The following FBRS variants were observed in gnomAD, a reference collection of about 807,000 sequenced individuals.
FBRS encodes the protein probable fibrosin-1.
In FBRS, 15 loss-of-function variants were observed where a neutral mutation model predicts 86.1. The ratio of observed to expected loss-of-function variants is 0.17; its 90% CI spans 0.12 to 0.27. The LOEUF is 0.27. Among genes scored for constraint, FBRS ranks in the 10% least tolerant of loss-of-function variants. The pLI is 1.00. For synonymous variants in FBRS, 666 were observed against 575.8 expected (o/e 1.16, Z -2.24); for missense variants, 1,367 against 1,301.6 (o/e 1.05, Z -0.77).
In FBRS at chr16:30,670,292, C is replaced by G. The variant is rs1567549071; in HGVS notation, c.*647C>G. 1 of 435,920 alleles carries G rather than the reference C, an allele frequency of 2.3e-6. No homozygotes were observed. The highest frequency in any genetic ancestry group is 2.0e-5 in the African/African-American group (1 of 49,128). The allele number at this position is 435,920 out of a possible 1,614,324, so 27.0% of individuals were successfully genotyped here. On this transcript the variant is annotated 3_prime_UTR_variant, in exon 18 of 18. Coordinates refer to ENST00000356166, the MANE Select transcript of FBRS (RefSeq NM_001105079.3). ...CTTCTCCCTGGGAAGGTGGGGCCAG[C>G]AGGAGATGACCAACAGGGGGCAGGA...
In FBRS at chr16:30,665,104, ATGGGGTGTGTGGTG is replaced by A. The variant is rs1567545907; in HGVS notation, c.1608+30_1608+43del. ...TGTGAGTGTGTGTGTGCGTGTGCGT[ATGGGGTGTGTGGTG>A]TGGGCGTGGATGCATCCATGCTTGT... On this transcript the variant is annotated intron_variant, in intron 9 of 17. Coordinates refer to ENST00000356166, the MANE Select transcript of FBRS (RefSeq NM_001105079.3). The surrounding 1 kb of genome is among the most constrained non-coding windows in gnomAD (Gnocchi z 4.1). 6.2e-7 allele frequency: 1 copy of A among 1,609,238 alleles called. No homozygotes were observed. The highest frequency in any genetic ancestry group is 2.2e-5 in the East Asian group (1 of 44,856).
Position 30,668,957 on chromosome 16 carries a change from A to G in FBRS, c.2344A>G (p.Ile782Val), listed in dbSNP as rs777763974. ...GCCTGTGGAGCGGAGGGAGCCCTCC[A>G]TCACCAAGGAGGAGAAGGACAGGTG... ...ERPVERREPS[I>V]TKEEKDRDLP... is the part of the protein sequence containing the mutation. Residue 782 changes from isoleucine to valine, a missense_variant, in exon 17 of 18, where the codon ATC (isoleucine) becomes GTC (valine). This residue lies in a region of FBRS where 659 missense variants were observed against 678.8 expected (regional missense o/e 0.97). Coordinates refer to ENST00000356166, the MANE Select transcript of FBRS (RefSeq NM_001105079.3). The G allele has an allele frequency of 1.3e-6, 2 of 1,584,424 alleles. No individual in the cohort carries two copies. The highest frequency in any genetic ancestry group is 2.3e-5 in the South Asian group (2 of 86,856).
intron 13 of FBRS, 112 bp downstream of exon 13, chr16:30,667,102 C>G (rs1033047300): frequency 2.6e-6 from 3 of 1,146,292 alleles, no homozygotes; most frequent in African/African-American, 3.1e-5. Flanking sequence ...AACATTCTCT[C>G]CTGTCCCCCA....
chr16:30,668,814 C>T lies in FBRS; in HGVS notation c.2201C>T (p.Pro734Leu), dbSNP rs1451544795. 1.3e-6 allele frequency: 2 copies of T among 1,598,422 alleles called. No homozygotes were observed. The highest frequency in any genetic ancestry group is 1.7e-6 in the Non-Finnish European group (2 of 1,177,770). The change falls in exon 17 of 18, where the codon CCA (proline) becomes CTA (leucine). Residue 734 changes from proline (P) to leucine (L), a missense_variant. By Grantham distance (98) the Pro-to-Leu change is moderately conservative. Coordinates refer to ENST00000356166, the MANE Select transcript of FBRS (RefSeq NM_001105079.3). ...VFAQKESPGA[P>L]PAFASPPDPW... The stretch of plus-strand genomic sequence containing the variant: ...GCCCAGAAAGAAAGCCCAGGGGCCC[C>T]ACCAGCCTTCGCCTCCCCACCGGAC...
In FBRS at chr16:30,665,072, G is replaced by A. The variant is rs753786446; in HGVS notation, c.1601G>A (p.Arg534Gln). 1.8e-5 allele frequency: 29 copies of A among 1,613,078 alleles called. No individual in the cohort carries two copies. The highest frequency in any genetic ancestry group is 3.3e-5 in the South Asian group (3 of 91,012). Residue 534 changes from arginine to glutamine, a missense_variant, in exon 9 of 18, where the codon CGA (arginine) becomes CAA (glutamine). By Grantham distance (43) the Arg-to-Gln change is conservative. Coordinates refer to ENST00000356166, the MANE Select transcript of FBRS (RefSeq NM_001105079.3). The surrounding 1 kb of genome is among the most constrained non-coding windows in gnomAD (Gnocchi z 4.1). ...CCAGGAAAGATGGAAGGCCTTTTCC[G>A]ACATAATGTGAGTGTGTGTGTGCGT... ...KYPGKMEGLF[R>Q]HNPYTAFPPA...
At chr16:30,664,660 C>T in intron 7 of FBRS, 55 bp from the exon 8 acceptor site, 6 of 1,459,852 alleles carry the variant, frequency 4.1e-6, no homozygotes, top group Non-Finnish European at 5.4e-6. Flanking sequence ...TCACCTGGGC[C>T]CAAGGAGGCT....
At position 30,668,888 on chromosome 16, in the gene FBRS, C is replaced by T. The variant is rs1269309862; in HGVS notation, c.2275C>T (p.Arg759Trp). Reference sequence around the variant, plus strand: ...TCCTCTGACCTTTCCTGCCTGGGTCCGGCCCCCTGAGGCCGCCCGGACTCC... The same window carrying T: ...TCCTCTGACCTTTCCTGCCTGGGTCTGGCCCCCTGAGGCCGCCCGGACTCC... ...RSPLTFPAWV[R>W]PPEAARTPGS... Residue 759 changes from arginine (R) to tryptophan (W), a missense_variant, in exon 17 of 18, where the codon CGG becomes TGG. By Grantham distance (101) the Arg-to-Trp change is moderately radical. This residue lies in a region of FBRS where 659 missense variants were observed against 678.8 expected (regional missense o/e 0.97). Transcript: ENST00000356166. 9 of 1,586,320 alleles carry T rather than the reference C, an allele frequency of 5.7e-6. No individual in the cohort carries two copies. The highest frequency in any genetic ancestry group is 2.3e-5 in the East Asian group (1 of 43,718).
rs1341121253 is a variant in FBRS, at chr16:30,658,822, T to G, written c.-697T>G. ...ACTCGGCGGACTGCAACGCCAGCCT[T>G]AAAGGGGAAGCCGCCGAGCAGACGC... On this transcript the variant is annotated 5_prime_UTR_variant, in exon 1 of 18. Transcript: ENST00000356166. 6.6e-6 allele frequency: 1 copy of G among 151,980 alleles called. No individual in the cohort carries two copies. Among genetic ancestry groups the G allele is most frequent in the Non-Finnish European group, 1.5e-5 (1 of 68,020 alleles). The allele number at this position is 151,980 out of a possible 1,614,324, so 9.4% of individuals were successfully genotyped here. A position where few individuals can be genotyped will look rare whatever the true frequency, so the allele number is the denominator to read the frequency against.
At position 30,664,913 on chromosome 16, in the gene FBRS, C is replaced by A. The variant is rs763319344; in HGVS notation, c.1556C>A (p.Pro519His). 2 of 1,610,820 alleles carry A rather than the reference C, an allele frequency of 1.2e-6. No individual in the cohort carries two copies. Among genetic ancestry groups the A allele is most frequent in the East Asian group, 4.5e-5 (2 of 44,758 alleles). Residue 519 changes from proline (P) to histidine (H), a missense_variant, in exon 8 of 18, where the codon CCC (proline) becomes CAC (histidine). Around this residue, in one of 3 missense-constraint regions of FBRS, gnomAD observed 659 missense variants for 678.8 expected, o/e 0.97. Transcript: ENST00000356166. Reference sequence around the variant, plus strand: ...CCGGGCCTGCTGCCACCCCACGGCCCCCACATGGTGAGCTCCTCATTGGGC... The same window carrying A: ...CCGGGCCTGCTGCCACCCCACGGCCACCACATGGTGAGCTCCTCATTGGGC... The part of the protein sequence containing the change: ...YPPGLLPPHG[P>H]HMFEKYPGKM...
intron 15 of FBRS, chr16:30,667,863 G>T: frequency 2.3e-6 from 1 of 435,894 alleles, no homozygotes; most frequent in Non-Finnish European, 4.0e-6. Flanking sequence ...CCAGTGGCAG[G>T]GGCAGTACGC....
chr16:30,664,241 C>T lies in FBRS; in HGVS notation c.1082C>T (p.Pro361Leu), dbSNP rs1214028984. The change falls in exon 7 of 18, where the codon CCG becomes CTG. Residue 361 changes from proline (P) to leucine (L), a missense_variant. Coordinates refer to ENST00000356166, the MANE Select transcript of FBRS (RefSeq NM_001105079.3). Reference protein sequence around the residue: ...GSSSRPPPKAPAPPVAQPPPS... With the variant: ...GSSSRPPPKALAPPVAQPPPS... ...TCTTCACGGCCGCCCCCCAAGGCCC[C>T]GGCCCCTCCCGTGGCTCAGCCTCCC... The T allele has an allele frequency of 6.1e-6, 9 of 1,463,490 alleles. No individual in the cohort carries two copies. Among genetic ancestry groups the T allele is most frequent in the East Asian group, 2.6e-5 (1 of 38,670 alleles). 90.7% of individuals were successfully genotyped at this position (1,463,490 alleles called of 1,614,324 possible).
At position 30,665,934 on chromosome 16, in the gene FBRS, G is replaced by A. The variant is rs956654880; in HGVS notation, c.1773+228G>A. On this transcript the variant is annotated intron_variant, in intron 11 of 17. Coordinates refer to ENST00000356166, the MANE Select transcript of FBRS (RefSeq NM_001105079.3). This position sits in a 1 kb window ranked among gnomAD's most constrained non-coding sequence, Gnocchi z 4.1. The stretch of plus-strand genomic sequence containing the variant: ...TAGGATGATTAGGACAATGGTTTTT[G>A]TAGTGGTTTTCAAACTTTTTAATAA... 2.8e-5 allele frequency: 14 copies of A among 507,798 alleles called. No homozygotes were observed. Among genetic ancestry groups the A allele is most frequent in the Admixed American group, 1.5e-4 (4 of 26,760 alleles). 31.5% of individuals were successfully genotyped at this position (507,798 alleles called of 1,614,324 possible). A position where few individuals can be genotyped will look rare whatever the true frequency, so the allele number is the denominator to read the frequency against.
chr16:30,666,444 G>A, intron 11 of FBRS, 68 bp from the exon 12 acceptor site: 1 of 1,598,668 alleles, frequency 6.3e-7, no homozygotes, highest in Admixed American at 1.7e-5. Context: ...GGATGCTGTG[G>A]AGATGCGAGG....
At position 30,669,791 on chromosome 16, in the gene FBRS, T is replaced by C; in HGVS notation, c.*146T>C. On this transcript the variant is annotated 3_prime_UTR_variant, in exon 18 of 18. Coordinates refer to ENST00000356166, the MANE Select transcript of FBRS (RefSeq NM_001105079.3). This position sits in a 1 kb window ranked among gnomAD's most constrained non-coding sequence, Gnocchi z 5.9. ...GTCATGGAACCTGGGAACAGAAGCCTCAACCCCCACAAGACCAAGCATCAC... is the reference window on the plus strand; with the variant it reads ...GTCATGGAACCTGGGAACAGAAGCCCCAACCCCCACAAGACCAAGCATCAC... The C allele has an allele frequency of 9.6e-7, 1 of 1,045,454 alleles. No individual in the cohort carries two copies. Among genetic ancestry groups the C allele is most frequent in the Non-Finnish European group, 1.3e-6 (1 of 743,798 alleles). The allele number at this position is 1,045,454 out of a possible 1,614,324, so 64.8% of individuals were successfully genotyped here. A position where few individuals can be genotyped will look rare whatever the true frequency, so the allele number is the denominator to read the frequency against.
Position 30,667,360 on chromosome 16 carries a change from C to T in FBRS, c.1916C>T (p.Pro639Leu). The change falls in exon 14 of 18, where the codon CCC becomes CTC. Residue 639 changes from proline (P) to leucine (L), a missense_variant. Pro to Leu is a moderately conservative substitution (Grantham distance 98). Around this residue, in one of 3 missense-constraint regions of FBRS, gnomAD observed 659 missense variants for 678.8 expected, o/e 0.97. Transcript: ENST00000356166. The part of the protein sequence containing the change: ...HKLDFRNDLL[P>L]CLPGPYGALP... ...CTTGACTTTCGGAATGACCTCCTGC[C>T]CTGCCTTCCGGGGCCCTATGGGGCC... The T allele has an allele frequency of 1.3e-6, 2 of 1,554,246 alleles. No homozygotes were observed. The highest frequency in any genetic ancestry group is 1.2e-5 in the South Asian group (1 of 84,146).
At chr16:30,660,193 C>T in intron 1 of FBRS, 70 bp from the exon 2 acceptor site, 2 of 1,413,498 alleles carry the variant, frequency 1.4e-6, no homozygotes, top group Non-Finnish European at 1.9e-6. Context: ...CTTCGGCAAC[C>T]TGGTCACCCC....
At position 30,664,425 on chromosome 16, in the gene FBRS, C is replaced by CCGG; in HGVS notation, c.1266_1267insCGG (p.Ser422_Leu423insArg). 1 of 1,401,636 alleles carries CCGG rather than the reference C, an allele frequency of 7.1e-7. No individual in the cohort carries two copies. Among genetic ancestry groups the CCGG allele is most frequent in the Non-Finnish European group, 9.5e-7 (1 of 1,054,460 alleles). 86.8% of individuals were successfully genotyped at this position (1,401,636 alleles called of 1,614,324 possible). A position where few individuals can be genotyped will look rare whatever the true frequency, so the allele number is the denominator to read the frequency against. ...CCCCCCCACCACCCCACCACCCCTC[C>CCGG]TTGTTCTCCCCTGGCCCCACCCTGC... On this transcript the variant is annotated inframe_insertion, in exon 7 of 18. Transcript: ENST00000356166.
chr16:30,666,540 G>A lies in FBRS; in HGVS notation c.1802G>A (p.Arg601Lys), dbSNP rs767884672. The stretch of plus-strand genomic sequence containing the variant: ...CCCGACCATTTCCGGCCACCTTTGA[G>A]GGTGAGTTGTGTGAGGACCTCAGGC... ...QIPDHFRPPLRKPGKWCAMHV... is the reference protein window; with the variant it reads ...QIPDHFRPPLKKPGKWCAMHV... The change falls in exon 12 of 18, where the codon AGG (arginine) becomes AAG (lysine). Residue 601 changes from arginine (R) to lysine (K), a missense_variant and splice_region_variant. This residue lies in a region of FBRS where 659 missense variants were observed against 678.8 expected (regional missense o/e 0.97). Coordinates refer to ENST00000356166, the MANE Select transcript of FBRS (RefSeq NM_001105079.3). 1 of 1,614,010 alleles carries A rather than the reference G, an allele frequency of 6.2e-7. No homozygotes were observed.
intron 11 of FBRS, 143 bp from the exon 12 acceptor site, chr16:30,666,369 G>T: frequency 2.1e-6 from 2 of 952,590 alleles, no homozygotes; most frequent in Non-Finnish European, 3.3e-6. Context: ...ATGGGGAAAG[G>T]AGTTTGGGCC....
Sources: allele counts gnomAD v4.1 joint callset, GRCh38; gene constraint gnomAD v4.1.1; regional missense constraint gnomAD v4.1.1; non-coding constraint Gnocchi (gnomAD v3.1); transcripts MANE v1.5; gene names NCBI Gene and HGNC (gene_info 2026-07-23, HGNC 2026-07-21).